LRRC4C: variants seen among roughly 807,000 people sequenced by gnomAD.
LRRC4C encodes the protein leucine-rich repeat-containing protein 4C.
LRRC4C carries 5 observed loss-of-function variants against 33.6 expected under a neutral mutation model. The ratio of observed to expected loss-of-function variants is 0.15; its 90% CI spans 0.08 to 0.31. The LOEUF is 0.31. Among genes scored for constraint, LRRC4C ranks in the 10% least tolerant of loss-of-function variants. The pLI is 1.00. For missense variants in LRRC4C, 560 were observed against 796.7 expected, an observed-to-expected ratio of 0.70 and a Z score of 3.58; for synonymous variants, 329 against 302.0, an observed-to-expected ratio of 1.09 and a Z score of -0.93.
chr11:41,138,173 A>G (rs1943348237), intron 1 of LRRC4C, among the ~76,000 whole-genome samples: 1 of 152,244 alleles, frequency 6.6e-6, no homozygotes, highest in Non-Finnish European at 1.5e-5. Flanking sequence ...CATATGCTAG[A>G]CACTAGCCTA....
At chr11:40,987,646 TATATATCTC>T (rs1440245419) in intron 1 of LRRC4C, among the ~76,000 whole-genome samples, 3,153 of 57,330 alleles carry the variant, frequency 0.055, 316 homozygotes, top group African/African-American at 0.14. Context: ...TATATATATA[TATATATCTC>T]ATATATATGA....
chr11:41,426,938 T>C (rs1297798422), intron 1 of LRRC4C, among the ~76,000 whole-genome samples: 1 of 152,182 alleles, frequency 6.6e-6, no homozygotes, highest in Non-Finnish European at 1.5e-5. Flanking sequence ...GAAGTGGAAA[T>C]ATTCAGTCTT....
chr11:40,423,081 C>T (rs895955331), intron 3 of LRRC4C, among the ~76,000 whole-genome samples: 5 of 152,128 alleles, frequency 3.3e-5, no homozygotes, highest in African/African-American at 1.2e-4. Flanking sequence ...GAGTTCACAT[C>T]TCTTCCCAAT....
chr11:41,282,320 G>A (rs981664037), intron 1 of LRRC4C, among the ~76,000 whole-genome samples: 23 of 152,224 alleles, frequency 1.5e-4, no homozygotes, highest in African/African-American at 5.3e-4. Flanking sequence ...AAGAGTGAAG[G>A]CAGGCGATTG....
chr11:40,957,780 AG>A (rs1433822043), intron 1 of LRRC4C, among the ~76,000 whole-genome samples: 2 of 151,658 alleles, frequency 1.3e-5, no homozygotes, highest in African/African-American at 4.8e-5. Flanking sequence ...CTGGGGGATG[AG>A]GGGTTTCCAA....
chr11:40,660,735 T>G (rs1943389463), intron 2 of LRRC4C, among the ~76,000 whole-genome samples: 1 of 152,184 alleles, frequency 6.6e-6, no homozygotes, highest in Non-Finnish European at 1.5e-5. Context: ...TCCTGCACAT[T>G]TTTCCAGCTT....
chr11:40,425,127 G>GA (rs35712776), intron 3 of LRRC4C, among the ~76,000 whole-genome samples: 37 of 148,234 alleles, frequency 2.5e-4, no homozygotes, highest in South Asian at 1.1e-3. Context: ...TCTTTGTGGG[G>GA]AAAAAAAAAA....
At position 40,359,311 on chromosome 11, in the gene LRRC4C, C is replaced by A. The variant is rs77534452; in HGVS notation, c.-269-39590G>T. On this transcript the variant is annotated intron_variant, in intron 3 of 6. Coordinates refer to ENST00000528697, the MANE Select transcript of LRRC4C (RefSeq NM_001258419.2). The stretch of plus-strand genomic sequence containing the variant: ...AAAGCCTCTGCTCTGGGGAACAGAT[C>A]CAGGTGGTAGAAGTGCATGTCATAT... Among the ~76,000 whole-genome samples the A allele has an allele frequency of 2.0e-3, 298 of 152,244 alleles. 1 individual carries two copies. The highest frequency in any genetic ancestry group is 0.01 in the Middle Eastern group (3 of 294).
At chr11:40,604,989 C>T (rs895512509) in intron 3 of LRRC4C, among the ~76,000 whole-genome samples, 1 of 152,068 alleles carries the variant, frequency 6.6e-6, no homozygotes, top group Non-Finnish European at 1.5e-5. Flanking sequence ...GATCTTGATC[C>T]TTTCTATTGT....
intron 1 of LRRC4C, among the ~76,000 whole-genome samples, chr11:41,152,645 T>A (rs1448545396): frequency 6.6e-6 from 1 of 152,206 alleles, no homozygotes; most frequent in African/African-American, 2.4e-5. Context: ...TCCCTAAATA[T>A]CTTCAAATAT....
At chr11:41,092,720 C>T (rs972262873) in intron 1 of LRRC4C, among the ~76,000 whole-genome samples, 2 of 152,212 alleles carry the variant, frequency 1.3e-5, no homozygotes, top group Non-Finnish European at 2.9e-5. Flanking sequence ...ATAACTCAGA[C>T]AGACAATATC....
At chr11:41,254,597 ATATTT>A (rs1480078671) in intron 1 of LRRC4C, among the ~76,000 whole-genome samples, 1 of 151,990 alleles carries the variant, frequency 6.6e-6, no homozygotes, top group East Asian at 1.9e-4. Flanking sequence ...CATAATATTA[ATATTT>A]CCCTTCAGAA....
chr11:40,933,418 T>C (rs968876081), intron 2 of LRRC4C, among the ~76,000 whole-genome samples: 2 of 152,250 alleles, frequency 1.3e-5, no homozygotes, highest in African/African-American at 4.8e-5. Flanking sequence ...TCCAAGGTAG[T>C]ATAAGTCATA....
In LRRC4C at chr11:40,482,409, G is replaced by A. The variant is rs991536953; in HGVS notation, c.-269-162688C>T. Among the ~76,000 whole-genome samples the A allele has an allele frequency of 1.3e-4, 20 of 152,172 alleles. 1 individual carries two copies. Among genetic ancestry groups the A allele is most frequent in the African/African-American group, 4.8e-4 (20 of 41,520 alleles). On this transcript the variant is annotated intron_variant, in intron 3 of 6. Coordinates refer to ENST00000528697, the MANE Select transcript of LRRC4C (RefSeq NM_001258419.2). The stretch of plus-strand genomic sequence containing the variant: ...AAATCAAATGAGACTTTCTCCTACT[G>A]TAGAAATCAGAAAAGACAATAAGCT...
chr11:40,678,642 T>A (rs141412235), intron 2 of LRRC4C, among the ~76,000 whole-genome samples: 230 of 152,140 alleles, frequency 1.5e-3, no homozygotes, highest in Admixed American at 3.5e-3. Flanking sequence ...TTTCACAAGA[T>A]CTGATAGTTT....
At chr11:40,218,614 G>C (rs56030979) in intron 5 of LRRC4C, among the ~76,000 whole-genome samples, 87,697 of 130,682 alleles carry the variant, frequency 0.67, 29,570 homozygotes, top group Non-Finnish European at 0.78. Context: ...ATGTATGTAT[G>C]TATGTATGTA....
At chr11:41,236,156 G>C (rs1948012375) in intron 1 of LRRC4C, among the ~76,000 whole-genome samples, 1 of 152,008 alleles carries the variant, frequency 6.6e-6, no homozygotes, top group African/African-American at 2.4e-5. Context: ...CCTGAAACAG[G>C]CCAATTAGCG....
chr11:40,906,511 A>AAAAC (rs998943965), intron 2 of LRRC4C, among the ~76,000 whole-genome samples: 1 of 152,202 alleles, frequency 6.6e-6, no homozygotes, highest in Non-Finnish European at 1.5e-5. Flanking sequence ...ACTCCATCTC[A>AAAAC]AAACAAACAA....
chr11:40,890,877 T>A (rs984958811), intron 2 of LRRC4C, among the ~76,000 whole-genome samples: 5 of 151,890 alleles, frequency 3.3e-5, no homozygotes, highest in Non-Finnish European at 5.9e-5. Context: ...ATATCCAATG[T>A]CAAAAAGCTA....
Sources: allele counts gnomAD v4.1 joint callset (sites outside exome capture counted in the v4.1 genomes callset), GRCh38; gene constraint gnomAD v4.1.1; transcripts MANE v1.5; gene names NCBI Gene and HGNC (gene_info 2026-07-23, HGNC 2026-07-21).